Variants in CLIC5 observed in about 807,000 individuals in gnomAD.
CLIC5 encodes the protein chloride intracellular channel protein 5.
A neutral mutation model predicts 24.7 loss-of-function variants in CLIC5; 20 were observed. That is an observed-to-expected ratio of 0.81 (90% confidence interval 0.57 to 1.18). The LOEUF is 1.18. CLIC5 is among the 50% of genes most tolerant of loss of function. The pLI, the probability that CLIC5 is intolerant of heterozygous loss-of-function variation, is 0.00. For synonymous variants in CLIC5, 159 were observed against 135.6 expected (o/e 1.17, Z -1.20); for missense variants, 341 against 326.1 (o/e 1.05, Z -0.35).
intron 4 of CLIC5, chr6:45,920,645 A>T: frequency 1.0e-6 from 1 of 964,004 alleles, no homozygotes; most frequent in Non-Finnish European, 1.2e-6. Flanking sequence ...GAATATCACC[A>T]CTTACTCATC....
intron 4 of CLIC5, among the ~76,000 whole-genome samples, chr6:45,919,779 A>G (rs1473005051): frequency 6.6e-6 from 1 of 152,206 alleles, no homozygotes; most frequent in East Asian, 1.9e-4. Flanking sequence ...CAAAAGCTGA[A>G]TATTGAATTC....
intron 5 of CLIC5, among the ~76,000 whole-genome samples, chr6:45,908,525 G>T (rs1184830929): frequency 6.6e-6 from 1 of 151,996 alleles, no homozygotes; most frequent in African/African-American, 2.4e-5. Context: ...TAATTTTGTT[G>T]TTTACCCAAA....
chr6:46,069,322 G>A (rs991443214), intron 1 of CLIC5, among the ~76,000 whole-genome samples: 2 of 152,004 alleles, frequency 1.3e-5, no homozygotes, highest in African/African-American at 4.8e-5. Context: ...CTCTAAAGAA[G>A]CACATGTGAA....
chr6:46,039,884 A>T (rs1471507772), intron 1 of CLIC5, among the ~76,000 whole-genome samples: 3 of 152,226 alleles, frequency 2.0e-5, no homozygotes. Flanking sequence ...GATGTAAACA[A>T]AAAACCTTTA....
At chr6:46,023,307 C>T (rs1767237364) in intron 1 of CLIC5, among the ~76,000 whole-genome samples, 1 of 152,058 alleles carries the variant, frequency 6.6e-6, no homozygotes, top group Non-Finnish European at 1.5e-5. Flanking sequence ...TATAATAACC[C>T]TATGAGGTAG....
chr6:45,984,539 G>C (rs890297198), intron 1 of CLIC5, among the ~76,000 whole-genome samples: 2 of 152,168 alleles, frequency 1.3e-5, no homozygotes, highest in Non-Finnish European at 2.9e-5. Flanking sequence ...TTGTTTTGAG[G>C]TTCTAGGTAA....
chr6:46,062,299 T>C (rs900355699), intron 1 of CLIC5, among the ~76,000 whole-genome samples: 2 of 152,240 alleles, frequency 1.3e-5, no homozygotes, highest in African/African-American at 4.8e-5. Flanking sequence ...AAAAATGCAC[T>C]TGTGGTTCAA....
At chr6:45,917,066 T>C (rs781431660) in intron 4 of CLIC5, among the ~76,000 whole-genome samples, 2 of 152,136 alleles carry the variant, frequency 1.3e-5, no homozygotes, top group Non-Finnish European at 2.9e-5. Context: ...CTTTCCTGGG[T>C]CCCTTCCAAG....
At chr6:46,074,607 T>C (rs1229566383) in intron 1 of CLIC5, among the ~76,000 whole-genome samples, 3 of 152,214 alleles carry the variant, frequency 2.0e-5, no homozygotes, top group African/African-American at 7.2e-5. Flanking sequence ...CTATCAGAGA[T>C]AGGCTCTGAA....
chr6:46,075,107 A>G (rs1276919732), intron 1 of CLIC5, among the ~76,000 whole-genome samples: 1 of 152,242 alleles, frequency 6.6e-6, no homozygotes, highest in Non-Finnish European at 1.5e-5. Flanking sequence ...ATACTATATT[A>G]AGCAACTTAT....
At chr6:46,082,644 C>T (rs924390437), upstream of CLIC5, among the ~76,000 whole-genome samples, 1 of 152,122 alleles carries the variant, frequency 6.6e-6, no homozygotes, top group Non-Finnish European at 1.5e-5. Flanking sequence ...AACACACATT[C>T]CCTGGATATT....
At chr6:46,038,809 G>T (rs1767731596) in intron 1 of CLIC5, among the ~76,000 whole-genome samples, 1 of 152,158 alleles carries the variant, frequency 6.6e-6, no homozygotes, top group South Asian at 2.1e-4. Context: ...AAGTAACAGA[G>T]AAAATTGCTA....
chr6:46,092,894 A>T, the CLIC5 span, among the ~76,000 whole-genome samples: 1 of 152,210 alleles, frequency 6.6e-6, no homozygotes. Context: ...ATATCTGTCT[A>T]CAGTGTACAG....
chr6:46,010,477 C>A (rs2127441887), intron 1 of CLIC5, among the ~76,000 whole-genome samples: 1 of 152,358 alleles, frequency 6.6e-6, no homozygotes, highest in East Asian at 1.9e-4. Flanking sequence ...TCCACCACAT[C>A]TCTTGCCACC....
chr6:46,023,216 T>C (rs1015881735), intron 1 of CLIC5, among the ~76,000 whole-genome samples: 1 of 152,184 alleles, frequency 6.6e-6, no homozygotes, highest in African/African-American at 2.4e-5. Flanking sequence ...AAGAGTTACA[T>C]CATAATAATA....
At chr6:45,974,193 G>A (rs539188388) in intron 1 of CLIC5, among the ~76,000 whole-genome samples, 1 of 151,800 alleles carries the variant, frequency 6.6e-6, no homozygotes, top group South Asian at 2.1e-4. Flanking sequence ...ACCAGGCTGG[G>A]AATCAGAAAT....
the CLIC5 span, among the ~76,000 whole-genome samples, chr6:46,121,917 C>T: frequency 6.6e-6 from 1 of 152,078 alleles, no homozygotes; most frequent in African/African-American, 2.4e-5. Flanking sequence ...ACAGGAGCAC[C>T]CAGATTCATA....
intron 1 of CLIC5, among the ~76,000 whole-genome samples, chr6:46,028,958 C>T (rs1008605001): frequency 6.6e-6 from 1 of 152,084 alleles, no homozygotes; most frequent in Admixed American, 6.6e-5. Flanking sequence ...CCTCTGTGCC[C>T]TGCCTATTCA....
Position 45,900,531 on chromosome 6 carries a change from C to CAAAAAAAAG in CLIC5, c.*2556_*2557insCTTTTTTTT, listed in dbSNP as rs1554142712. 7.0e-5 allele frequency: 9 copies of CAAAAAAAAG among 128,752 alleles called. No individual in the cohort carries two copies. In the East Asian group the frequency reaches 1.6e-3, roughly 23 times the overall value. 8.0% of individuals were successfully genotyped at this position (128,752 alleles called of 1,614,324 possible). On this transcript the variant is annotated 3_prime_UTR_variant, in exon 6 of 6. Coordinates refer to ENST00000339561, the MANE Select transcript of CLIC5 (RefSeq NM_016929.5). ...ATCTGGAGAAAGATCTCTTTTGAAA[C>CAAAAAAAAG]AAAAAAAAAAAGGAAGGTAATATTA... is the stretch of plus-strand genomic sequence containing the variant.
Sources: gnomAD v4.1 joint callset for allele counts (sites outside exome capture counted in the v4.1 genomes callset) on GRCh38, gnomAD v4.1.1 for gene constraint, MANE v1.5 for transcripts, NCBI Gene and HGNC (gene_info 2026-07-23, HGNC 2026-07-21) for gene names.